Variants in SRP68 observed in about 807,000 individuals in gnomAD.
SRP68 encodes signal recognition particle subunit SRP68.
SRP68 carries 15 observed loss-of-function variants against 82.2 expected under a neutral mutation model. The ratio of observed to expected loss-of-function variants is 0.18; its 90% CI spans 0.12 to 0.28. SRP68 has a LOEUF of 0.28. SRP68 is among the 10% of genes least tolerant of loss of function. SRP68 has a pLI of 1.00. For synonymous variants in SRP68, 261 were observed against 292.6 expected (o/e 0.89, Z 1.10); for missense variants, 595 against 780.5 (o/e 0.76, Z 2.83).
rs376285977 is a variant in SRP68 at position 76,067,293 on chromosome 17, T to A, written c.289A>T (p.Thr97Ser). ...CSRRQRRLRKTLNFKMGNRHK... is the reference protein window; with the variant it reads ...CSRRQRRLRKSLNFKMGNRHK... ...CTGTTACCCATCTTGAAGTTGAGTG[T>A]TTTTCGAAGACGTCTTTGTCTACGG... The change falls in exon 3 of 16, where the codon ACA (threonine) becomes TCA (serine). Residue 97 changes from threonine to serine, a missense_variant. By Grantham distance (58) the Thr-to-Ser change is moderately conservative. Coordinates refer to ENST00000307877, the MANE Select transcript of SRP68 (RefSeq NM_014230.4). The A allele has an allele frequency of 8.1e-6, 13 of 1,613,024 alleles. No homozygotes were observed. Among genetic ancestry groups the A allele is most frequent in the African/African-American group, 5.3e-5 (4 of 74,852 alleles).
At chr17:76,061,326 A>G (rs1440998905) in intron 5 of SRP68, 107 bp from the exon 6 acceptor site, 1 of 943,234 alleles carries the variant, frequency 1.1e-6, no homozygotes, top group South Asian at 1.5e-5. Context: ...TCTCCTACCA[A>G]CTACCATAAC....
chr17:76,065,830 T>C (rs2066802073), intron 3 of SRP68, among the ~76,000 whole-genome samples: 1 of 151,788 alleles, frequency 6.6e-6, no homozygotes, highest in African/African-American at 2.4e-5. Flanking sequence ...ACTGTAGCAT[T>C]CCCTGGTTTG....
chr17:76,045,502 A>T (rs1202767888), intron 11 of SRP68, 116 bp from the exon 12 acceptor site: 15 of 714,446 alleles, frequency 2.1e-5, no homozygotes, highest in Non-Finnish European at 3.2e-5. Context: ...CGAGGTCAAT[A>T]CGATGGGGAA....
At chr17:76,055,496 C>G (rs2066706675) in intron 8 of SRP68, among the ~76,000 whole-genome samples, 1 of 151,896 alleles carries the variant, frequency 6.6e-6, no homozygotes, top group African/African-American at 2.4e-5. Flanking sequence ...TGGCTGATGC[C>G]TGTAATTCCA....
chr17:76,062,986 G>A (rs183903917), intron 4 of SRP68, among the ~76,000 whole-genome samples: 1 of 150,704 alleles, frequency 6.6e-6, no homozygotes, highest in Non-Finnish European at 1.5e-5. Flanking sequence ...TAGCCAGGAT[G>A]GTCTCGATCT....
rs111471580 is a variant in SRP68 at position 76,052,543 on chromosome 17, G to A, written c.979-2017C>T. Among the ~76,000 whole-genome samples the A allele has an allele frequency of 5.6e-3, 859 of 152,242 alleles. 7 individuals are homozygous for A. The highest frequency in any genetic ancestry group is 0.019 in the African/African-American group (809 of 41,540). On this transcript the variant is annotated intron_variant, in intron 8 of 15. Coordinates refer to ENST00000307877, the MANE Select transcript of SRP68 (RefSeq NM_014230.4). The stretch of plus-strand genomic sequence containing the variant: ...TGATGGGCTGGGCGCGGTGGCTCAC[G>A]CCTGTAATCCCAGCACTTTGGGAGG...
intron 14 of SRP68, chr17:76,040,700 C>T: frequency 1.5e-6 from 1 of 656,570 alleles, no homozygotes; most frequent in South Asian, 1.9e-5. Context: ...AGGACAGTAA[C>T]AGGGAGAAGG....
At chr17:76,054,695 C>T (rs899385909) in intron 8 of SRP68, among the ~76,000 whole-genome samples, 13 of 151,758 alleles carry the variant, frequency 8.6e-5, no homozygotes, top group African/African-American at 2.4e-4. Flanking sequence ...TGGTGGTATG[C>T]GCCTGTAATC....
chr17:76,069,337 G>A (rs539220995), intron 2 of SRP68, among the ~76,000 whole-genome samples: 1 of 152,092 alleles, frequency 6.6e-6, no homozygotes, highest in African/African-American at 2.4e-5. Context: ...GCAGTACACC[G>A]AGATCGTGCC....
At chr17:76,068,014 GGGTGC>G (rs1436297778) in intron 2 of SRP68, among the ~76,000 whole-genome samples, 26 of 152,224 alleles carry the variant, frequency 1.7e-4, no homozygotes, top group African/African-American at 5.3e-4. Context: ...ATGAGGGGCT[GGGTGC>G]AGTGGCTCAC....
intron 9 of SRP68, chr17:76,048,777 T>C (rs2066650363): frequency 6.6e-6 from 1 of 152,280 alleles, no homozygotes; most frequent in Admixed American, 6.5e-5. Flanking sequence ...TTGTGGTTAA[T>C]ATGATCGCAG....
rs754127880 is a variant in SRP68 at position 76,064,060 on chromosome 17, T to C, written c.477A>G (p.Leu159=). 3 of 1,614,256 alleles carry C rather than the reference T, an allele frequency of 1.9e-6. No homozygotes were observed. Among genetic ancestry groups the C allele is most frequent in the East Asian group, 2.2e-5 (1 of 44,894 alleles). Residue 159 remains leucine (L), a synonymous_variant, in exon 4 of 16, where the codon CTA becomes CTG. Coordinates refer to ENST00000307877, the MANE Select transcript of SRP68 (RefSeq NM_014230.4). ...PRKRFHLLSR[L]RKAVKHAEEL... ...CCTCTGCATGCTTCACGGCTTTGCG[T>C]AGGCGAGATAACAAGTGAAACCGTT...
chr17:76,057,457 G>A lies in SRP68; in HGVS notation c.924C>T (p.Asp308=). Residue 308 remains aspartate, a synonymous_variant, in exon 8 of 16, where the codon GAC becomes GAT. Coordinates refer to ENST00000307877, the MANE Select transcript of SRP68 (RefSeq NM_014230.4). ...WRGRTVPVKI[D]KVRIFLLGLA... ...GTCCTAATAAGAAAATGCGCACTTT[G>A]TCAATCTTCACTGGAACCGTTCTCC... 1 of 1,614,066 alleles carries A rather than the reference G, an allele frequency of 6.2e-7. No homozygotes were observed. The highest frequency in any genetic ancestry group is 1.1e-5 in the South Asian group (1 of 91,072).
chr17:76,043,575 C>A, intron 13 of SRP68: 1 of 253,374 alleles, frequency 3.9e-6, no homozygotes, highest in South Asian at 7.8e-5. Context: ...TCAGGTTTTC[C>A]TGTGGTGGTT....
chr17:76,051,411 G>A (rs1447141188), intron 8 of SRP68, among the ~76,000 whole-genome samples: 15 of 152,094 alleles, frequency 9.9e-5, no homozygotes, highest in Admixed American at 9.8e-4. Flanking sequence ...ATTCCATTAT[G>A]GTATTTGACT....
In SRP68 at chr17:76,040,406, G is replaced by A. The variant is rs760940900; in HGVS notation, c.1656+13C>T. 1.9e-6 allele frequency: 3 copies of A among 1,612,576 alleles called. No individual in the cohort carries two copies. The African/African-American group carries it at 4.0e-5, about 22-fold the overall frequency. On this transcript the variant is annotated intron_variant, in intron 15 of 15. Transcript: ENST00000307877. ...CTGCTTCGTATTCCTCAAAAACCAT[G>A]GCCCAGACTTACCTTATTGTCCTTG... is the stretch of plus-strand genomic sequence containing the variant.
rs745633872 is a variant in SRP68 at position 76,057,458 on chromosome 17, T to G, written c.923A>C (p.Asp308Ala). Residue 308 changes from aspartate to alanine, a missense_variant, in exon 8 of 16, where the codon GAC becomes GCC. Coordinates refer to ENST00000307877, the MANE Select transcript of SRP68 (RefSeq NM_014230.4). ...WRGRTVPVKIDKVRIFLLGLA... is the reference protein window; with the variant it reads ...WRGRTVPVKIAKVRIFLLGLA... ...TCCTAATAAGAAAATGCGCACTTTG[T>G]CAATCTTCACTGGAACCGTTCTCCC... 3 of 1,614,044 alleles carry G rather than the reference T, an allele frequency of 1.9e-6. No homozygotes were observed. The South Asian group carries it at 3.3e-5, about 18-fold the overall frequency.
At chr17:76,041,091 TA>T (rs1214824241) in intron 13 of SRP68, 113 bp from the exon 14 acceptor site, 7 of 720,658 alleles carry the variant, frequency 9.7e-6, no homozygotes, top group Non-Finnish European at 1.6e-5. Flanking sequence ...TTAGACTTTC[TA>T]AACGGTTCTC....
At position 76,046,044 on chromosome 17, in the gene SRP68, G is replaced by C; in HGVS notation, c.1293C>G (p.Ile431Met). The C allele has an allele frequency of 1.2e-6, 2 of 1,613,902 alleles. No individual in the cohort carries two copies. Among genetic ancestry groups the C allele is most frequent in the Non-Finnish European group, 8.5e-7 (1 of 1,179,878 alleles). ...CCCGGTCCTCAAGGGTCACCTGTAA[G>C]ATGATGTCATAGAGTCGGATCAGGT... ...PQDLIRLYDI[I>M]LQNLVELLQL... is the part of the protein sequence containing the mutation. Residue 431 changes from isoleucine (I) to methionine (M), a missense_variant, in exon 11 of 16, where the codon ATC (isoleucine) becomes ATG (methionine). Physicochemically the swap from Ile to Met is conservative, Grantham distance 10. Coordinates refer to ENST00000307877, the MANE Select transcript of SRP68 (RefSeq NM_014230.4).
Sources: gnomAD v4.1 joint callset for allele counts (sites outside exome capture counted in the v4.1 genomes callset) on GRCh38, gnomAD v4.1.1 for gene constraint, MANE v1.5 for transcripts, NCBI Gene and HGNC (gene_info 2026-07-23, HGNC 2026-07-21) for gene names.